The following SAMD5 variants were observed in gnomAD, a reference collection of about 807,000 sequenced individuals.
The protein encoded by SAMD5 is sterile alpha motif domain containing 5.
SAMD5 carries 13 observed loss-of-function variants against 11.3 expected under a neutral mutation model. The ratio of observed to expected loss-of-function variants is 1.15; its 90% CI spans 0.75 to 1.83. The LOEUF (loss-of-function observed/expected upper bound fraction) is 1.83, where lower values mean the gene tolerates loss of function less well. SAMD5 is among the 40% of genes most tolerant of loss of function. The pLI is 0.00. For missense variants in SAMD5, 255 were observed against 239.1 expected (o/e 1.07, Z -0.44); for synonymous variants, 129 against 111.3 (o/e 1.16, Z -1.00).
intron 1 of SAMD5, among the ~76,000 whole-genome samples, chr6:147,561,947 C>T (rs1788957438): frequency 1.3e-5 from 2 of 152,194 alleles, no homozygotes; most frequent in South Asian, 4.1e-4. Flanking sequence ...TCTTGAAACT[C>T]TCCATGACCC....
At chr6:147,722,024 C>G (rs1331952548) in intron 1 of SAMD5, among the ~76,000 whole-genome samples, 5 of 152,112 alleles carry the variant, frequency 3.3e-5, no homozygotes, top group African/African-American at 1.2e-4. Flanking sequence ...AAAAAATATG[C>G]TTGGTATTAT....
chr6:147,877,903 ATAGATAGCTAGCTAGCTAGC>A, the SAMD5 span, among the ~76,000 whole-genome samples: 1 of 96,534 alleles, frequency 1.0e-5, no homozygotes, highest in Admixed American at 1.1e-4. Context: ...AGCTAGATAG[ATAGATAGCTAGCTAGCTAGC>A]TAGATAGATA....
intron 1 of SAMD5, among the ~76,000 whole-genome samples, chr6:147,553,465 C>T (rs1467852950): frequency 2.0e-5 from 3 of 152,162 alleles, no homozygotes; most frequent in Non-Finnish European, 4.4e-5. Context: ...ATTGTTTTCT[C>T]TCTTTCTGTA....
At chr6:147,519,284 C>A (rs1788217021) in intron 1 of SAMD5, among the ~76,000 whole-genome samples, 1 of 152,006 alleles carries the variant, frequency 6.6e-6, no homozygotes, top group Non-Finnish European at 1.5e-5. Context: ...TTTTTTAATA[C>A]CTTCACTTTT....
the SAMD5 span, among the ~76,000 whole-genome samples, chr6:147,759,849 G>A: frequency 6.6e-6 from 1 of 152,032 alleles, no homozygotes; most frequent in Non-Finnish European, 1.5e-5. Flanking sequence ...GGAAAAAATA[G>A]ACTCAAATGC....
chr6:147,602,676 G>A (rs184175919), intron 1 of SAMD5, among the ~76,000 whole-genome samples: 94 of 152,162 alleles, frequency 6.2e-4, no homozygotes, highest in Admixed American at 5.6e-3. Flanking sequence ...CCTGGGAGGC[G>A]GAGGTTGTAG....
the SAMD5 span, among the ~76,000 whole-genome samples, chr6:147,776,515 A>G: frequency 1.3e-5 from 2 of 152,180 alleles, no homozygotes; most frequent in Non-Finnish European, 2.9e-5. Context: ...AAATAGGCCC[A>G]TTGAAACATG....
At chr6:147,546,541 A>AAAAAAAAAT (rs1341160604) in intron 1 of SAMD5, among the ~76,000 whole-genome samples, 2 of 151,468 alleles carry the variant, frequency 1.3e-5, no homozygotes, top group East Asian at 3.9e-4. Flanking sequence ...AAAAAAAAAA[A>AAAAAAAAAT]AATAGAGTGA....
At chr6:147,622,892 A>G (rs576927513) in intron 1 of SAMD5, among the ~76,000 whole-genome samples, 2 of 152,314 alleles carry the variant, frequency 1.3e-5, no homozygotes, top group East Asian at 3.9e-4. Flanking sequence ...GTGGCAGGCA[A>G]GAGAGAATGA....
chr6:147,514,739 A>G (rs1220871177), intron 1 of SAMD5, among the ~76,000 whole-genome samples: 1 of 152,176 alleles, frequency 6.6e-6, no homozygotes. Flanking sequence ...TCCTTGCCAC[A>G]TGTACCAATT....
chr6:147,511,479 A>G (rs1788089239), intron 1 of SAMD5, among the ~76,000 whole-genome samples: 1 of 152,246 alleles, frequency 6.6e-6, no homozygotes, highest in South Asian at 2.1e-4. Flanking sequence ...TTTGCTTTAA[A>G]ATAAATCCCA....
At chr6:147,550,036 G>A (rs930821551) in intron 1 of SAMD5, among the ~76,000 whole-genome samples, 2 of 151,252 alleles carry the variant, frequency 1.3e-5, no homozygotes, top group African/African-American at 4.9e-5. Context: ...CTTGGGCCCA[G>A]GATTTTGAGA....
chr6:147,651,774 C>G (rs895031963), intron 1 of SAMD5, among the ~76,000 whole-genome samples: 1 of 152,182 alleles, frequency 6.6e-6, no homozygotes, highest in African/African-American at 2.4e-5. Context: ...ACATAAAGAA[C>G]AAAATTAAAT....
In SAMD5 at chr6:147,567,887, C is replaced by T. The variant is rs896815667; in HGVS notation, c.*3431C>T. 40 of 985,456 alleles carry T rather than the reference C, an allele frequency of 4.1e-5. No individual in the cohort carries two copies. In the African/African-American group the frequency reaches 5.8e-4, roughly 14 times the overall value. 61.0% of individuals were successfully genotyped at this position (985,456 alleles called of 1,614,324 possible). On this transcript the variant is annotated 3_prime_UTR_variant, in exon 2 of 2. Coordinates refer to ENST00000367474, the MANE Select transcript of SAMD5 (RefSeq NM_001030060.3). The stretch of plus-strand genomic sequence containing the variant: ...AATTTGATTTAAGGAAACAATAACA[C>T]TCCATCCTGGGCAACAGAGCAAGAT...
the SAMD5 span, among the ~76,000 whole-genome samples, chr6:147,906,853 A>G: frequency 6.6e-6 from 1 of 152,198 alleles, no homozygotes; most frequent in East Asian, 1.9e-4. Flanking sequence ...CTTTAACTTT[A>G]GCTGAAATAA....
intron 1 of SAMD5, among the ~76,000 whole-genome samples, chr6:147,687,365 C>G (rs1791033121): frequency 6.7e-6 from 1 of 149,456 alleles, no homozygotes; most frequent in Non-Finnish European, 1.5e-5. Context: ...TCACTGCAAC[C>G]CTGACCTCCC....
At chr6:147,932,982 A>G in the SAMD5 span, among the ~76,000 whole-genome samples, 4 of 152,200 alleles carry the variant, frequency 2.6e-5, no homozygotes, top group African/African-American at 9.6e-5. Flanking sequence ...ATCTCCGATG[A>G]GGAAAATGGC....
the SAMD5 span, among the ~76,000 whole-genome samples, chr6:147,833,387 G>A: frequency 6.6e-6 from 1 of 152,110 alleles, no homozygotes; most frequent in Non-Finnish European, 1.5e-5. Context: ...GGATGGATTA[G>A]TTTATATTAA....
intron 1 of SAMD5, among the ~76,000 whole-genome samples, chr6:147,612,026 C>T (rs1193390909): frequency 6.6e-6 from 1 of 152,194 alleles, no homozygotes; most frequent in Non-Finnish European, 1.5e-5. Context: ...CTATATATGC[C>T]TTTAGTCATC....
Sources: allele counts gnomAD v4.1 joint callset (sites outside exome capture counted in the v4.1 genomes callset), GRCh38; gene constraint gnomAD v4.1.1; transcripts MANE v1.5; gene names NCBI Gene and HGNC (gene_info 2026-07-23, HGNC 2026-07-21).